The following PRORP variants were observed in gnomAD, a reference collection of about 807,000 sequenced individuals.
PRORP encodes the protein protein only RNase P catalytic subunit.
Under a neutral mutation model 59.4 loss-of-function variants are expected in PRORP, and 51 were observed. That is an observed-to-expected ratio of 0.86 (90% CI 0.69 to 1.08). PRORP has a LOEUF of 1.08. Ranked by LOEUF, PRORP falls within the 50% of genes least tolerant of loss-of-function variation. The pLI, the probability that PRORP is intolerant of heterozygous loss-of-function variation, is 0.00. For synonymous variants in PRORP, 231 were observed against 245.6 expected (o/e 0.94, Z 0.55); for missense variants, 646 against 690.3 (o/e 0.94, Z 0.72).
intron 5 of PRORP, among the ~76,000 whole-genome samples, chr14:35,265,759 T>C (rs771703253): frequency 1.1e-4 from 17 of 152,096 alleles, no homozygotes; most frequent in Non-Finnish European, 2.4e-4. Context: ...ACCAATATGA[T>C]AAATATATAA....
intron 4 of PRORP, among the ~76,000 whole-genome samples, chr14:35,161,397 A>G (rs2048056526): frequency 6.6e-6 from 1 of 152,182 alleles, no homozygotes; most frequent in Non-Finnish European, 1.5e-5. Context: ...CCTTCCAAGG[A>G]CGAAGGGAAG....
intron 5 of PRORP, among the ~76,000 whole-genome samples, chr14:35,209,176 A>G (rs944491544): frequency 6.6e-6 from 1 of 151,332 alleles, no homozygotes; most frequent in African/African-American, 2.4e-5. Flanking sequence ...TCTGCCTCAA[A>G]AAAAAAAAAG....
intron 5 of PRORP, among the ~76,000 whole-genome samples, chr14:35,196,714 A>G (rs2049018491): frequency 6.6e-6 from 1 of 152,166 alleles, no homozygotes. Context: ...AACTCAGGGA[A>G]GTCATATTGC....
rs1024490269 is a variant in PRORP at position 35,261,550 on chromosome 14, G to A, written c.1276-5177G>A. Among the ~76,000 whole-genome samples, 6 of 152,118 alleles carry A rather than the reference G, an allele frequency of 3.9e-5. 1 individual carries two copies. Among genetic ancestry groups the A allele is most frequent in the South Asian group, 4.1e-4 (2 of 4,828 alleles). ...TTGAGACCAGCCCGACCAACATGGC[G>A]AAACCCTGTCTCTACTGAAAATACA... is the stretch of plus-strand genomic sequence containing the variant. On this transcript the variant is annotated intron_variant, in intron 5 of 7. Transcript: ENST00000534898.
At chr14:35,228,500 CTT>C (rs1020233214) in intron 5 of PRORP, among the ~76,000 whole-genome samples, 1 of 152,186 alleles carries the variant, frequency 6.6e-6, no homozygotes, top group African/African-American at 2.4e-5. Context: ...TTGTTGCCAT[CTT>C]TATATCCATG....
chr14:35,188,824 A>G (rs367862099), intron 5 of PRORP, among the ~76,000 whole-genome samples: 1 of 151,744 alleles, frequency 6.6e-6, no homozygotes, highest in African/African-American at 2.4e-5. Flanking sequence ...AAAAATACAA[A>G]AATTAGCTGG....
At chr14:35,229,885 C>T (rs979716810) in intron 5 of PRORP, among the ~76,000 whole-genome samples, 2 of 151,922 alleles carry the variant, frequency 1.3e-5, no homozygotes, top group African/African-American at 4.8e-5. Flanking sequence ...CCCTAGACCC[C>T]ACTTTTGTTT....
intron 5 of PRORP, among the ~76,000 whole-genome samples, chr14:35,188,961 A>AGAAAG (rs59671236): frequency 7.0e-4 from 93 of 132,708 alleles, no homozygotes; most frequent in South Asian, 1.2e-3. Context: ...AAAAAAAAAA[A>AGAAAG]AAAGTATTGC....
At chr14:35,148,417 T>C (rs1265025509) in intron 4 of PRORP, among the ~76,000 whole-genome samples, 1 of 152,058 alleles carries the variant, frequency 6.6e-6, no homozygotes, top group Non-Finnish European at 1.5e-5. Context: ...TTTTGAAGAG[T>C]CTTTTTTTTG....
chr14:35,203,690 C>T (rs935455635), intron 5 of PRORP, among the ~76,000 whole-genome samples: 4 of 151,956 alleles, frequency 2.6e-5, no homozygotes, highest in Non-Finnish European at 5.9e-5. Flanking sequence ...CAGTGAAACC[C>T]CGTCTCTACT....
At chr14:35,215,289 C>T (rs1437358896) in intron 5 of PRORP, among the ~76,000 whole-genome samples, 1 of 152,102 alleles carries the variant, frequency 6.6e-6, no homozygotes, top group African/African-American at 2.4e-5. Context: ...AGTACTTTAG[C>T]ATCTTCTTGA....
chr14:35,272,512 A>G (rs775439589), intron 7 of PRORP, among the ~76,000 whole-genome samples: 4 of 152,188 alleles, frequency 2.6e-5, no homozygotes, highest in African/African-American at 4.8e-5. Flanking sequence ...ATTAAATGAT[A>G]CCATAGTGAT....
chr14:35,246,927 G>C (rs140402111), intron 5 of PRORP, among the ~76,000 whole-genome samples: 4 of 152,054 alleles, frequency 2.6e-5, no homozygotes, highest in Non-Finnish European at 5.9e-5. Flanking sequence ...CCCTAATCCC[G>C]TCCCGATTGC....
At chr14:35,158,142 A>G in intron 4 of PRORP, 1 of 277,112 alleles carries the variant, frequency 3.6e-6, no homozygotes, top group Non-Finnish European at 7.1e-6. Context: ...CTCCATTTCC[A>G]GCTCCGTCTT....
intron 4 of PRORP, among the ~76,000 whole-genome samples, chr14:35,179,270 G>A (rs951367020): frequency 5.3e-5 from 8 of 152,126 alleles, no homozygotes; most frequent in Non-Finnish European, 8.8e-5. Context: ...TGTATTTCCT[G>A]AATTTGAATG....
chr14:35,147,831 T>C (rs914689585), intron 4 of PRORP, among the ~76,000 whole-genome samples: 1 of 152,234 alleles, frequency 6.6e-6, no homozygotes, highest in East Asian at 1.9e-4. Flanking sequence ...TATTCTAAAT[T>C]CTTTGTTATC....
At chr14:35,173,712 T>C (rs545114733) in intron 4 of PRORP, among the ~76,000 whole-genome samples, 1 of 152,226 alleles carries the variant, frequency 6.6e-6, no homozygotes, top group South Asian at 2.1e-4. Context: ...ATAATTCCCT[T>C]CTTTTCTTTC....
At chr14:35,149,495 G>A (rs1482301920) in intron 4 of PRORP, among the ~76,000 whole-genome samples, 2 of 152,172 alleles carry the variant, frequency 1.3e-5, no homozygotes, top group East Asian at 3.8e-4. Context: ...TTACAGGTGT[G>A]AGCAACCATG....
At chr14:35,182,446 ACCAGCCTGG>A (rs1271660561) in intron 5 of PRORP, among the ~76,000 whole-genome samples, 1 of 151,976 alleles carries the variant, frequency 6.6e-6, no homozygotes, top group Non-Finnish European at 1.5e-5. Flanking sequence ...GGAGTTGAAG[ACCAGCCTGG>A]CCAACATGGT....
Sources: allele counts gnomAD v4.1 joint callset (sites outside exome capture counted in the v4.1 genomes callset), GRCh38; gene constraint gnomAD v4.1.1; transcripts MANE v1.5; gene names NCBI Gene and HGNC (gene_info 2026-07-23, HGNC 2026-07-21).